Variants in ARHGAP8 observed in about 807,000 individuals in gnomAD.
ARHGAP8 encodes the protein Rho GTPase activating protein 8.
ARHGAP8 carries 62 observed loss-of-function variants against 46.1 expected under a neutral mutation model. The observed-to-expected ratio is 1.34, with a 90% CI of 1.10 to 1.66. The LOEUF (loss-of-function observed/expected upper bound fraction) is 1.66, where lower values mean the gene tolerates loss of function less well. Ranked by LOEUF, ARHGAP8 falls within the 40% of genes most tolerant of loss-of-function variation. The pLI, the probability that ARHGAP8 is intolerant of heterozygous loss-of-function variation, is 0.00. For synonymous variants in ARHGAP8, 375 were observed against 243.1 expected, an observed-to-expected ratio of 1.54 and a Z score of -5.05; for missense variants, 923 against 568.4, an observed-to-expected ratio of 1.62 and a Z score of -6.34.
At chr22:44,754,385 C>T (rs896475087) in intron 1 of ARHGAP8, among the ~76,000 whole-genome samples, 6 of 136,444 alleles carry the variant, frequency 4.4e-5, no homozygotes, top group South Asian at 2.7e-4. Flanking sequence ...ACGCAGTTTT[C>T]GCTCTTGTCG....
chr22:44,787,939 T>TC (rs1927385830), intron 2 of ARHGAP8, among the ~76,000 whole-genome samples: 1 of 136,286 alleles, frequency 7.3e-6, no homozygotes, highest in East Asian at 2.2e-4. Context: ...TTTTTTTTTT[T>TC]TCCCCCCAAA....
At chr22:44,860,486 T>G (rs1327516832) in intron 11 of ARHGAP8, among the ~76,000 whole-genome samples, 1 of 152,060 alleles carries the variant, frequency 6.6e-6, no homozygotes, top group African/African-American at 2.4e-5. Flanking sequence ...GTGGACCCCC[T>G]GCCATATGTC....
intron 11 of ARHGAP8, 137 bp from the exon 12 acceptor site, chr22:44,862,138 C>A: frequency 9.6e-7 from 1 of 1,040,848 alleles, no homozygotes; most frequent in Non-Finnish European, 1.3e-6. Flanking sequence ...TGCACAGGGT[C>A]CCCATTACTG....
Position 44,845,334 on chromosome 22 carries a change from GA to G in ARHGAP8, c.663del (p.Glu222ArgfsTer32). ...CTGAGGTTCACAGTGACGTACCTGA[GA>G]GAGAAAGGTGAGACGGGGCCGGCTC... ...PVLRFTVTYLREKGLRTEGLF... is the reference protein window; with the variant it reads ...PVLRFTVTYLXEKGLRTEGLF... On this transcript the variant is annotated frameshift_variant, in exon 8 of 12. Coordinates refer to ENST00000356099, the MANE Select transcript of ARHGAP8 (RefSeq NM_181335.3). LOFTEE classifies it high-confidence loss of function. 6.2e-7 allele frequency: 1 copy of G among 1,614,148 alleles called. No homozygotes were observed. The highest frequency in any genetic ancestry group is 8.5e-7 in the Non-Finnish European group (1 of 1,180,004).
chr22:44,796,152 G>A (rs1928069344), intron 2 of ARHGAP8, among the ~76,000 whole-genome samples: 1 of 152,216 alleles, frequency 6.6e-6, no homozygotes, highest in Non-Finnish European at 1.5e-5. Context: ...CACCCCCTGA[G>A]GTTCCTCAGT....
At position 44,849,013 on chromosome 22, in the gene ARHGAP8, AGCC is replaced by A. The variant is rs1157697607; in HGVS notation, c.833_835del (p.Pro278del). 6.2e-7 allele frequency: 1 copy of A among 1,613,902 alleles called. No individual in the cohort carries two copies. Among genetic ancestry groups the A allele is most frequent in the Non-Finnish European group, 8.5e-7 (1 of 1,179,938 alleles). ...AAGACCTTCCTGCGAGAGCTGCCCC[AGCC>A]GCTTCTGACCTTCCAGGCCTACGAG... On this transcript the variant is annotated inframe_deletion, in exon 10 of 12. Coordinates refer to ENST00000356099, the MANE Select transcript of ARHGAP8 (RefSeq NM_181335.3).
At chr22:44,861,365 C>G (rs62232228) in intron 11 of ARHGAP8, among the ~76,000 whole-genome samples, 57,815 of 152,034 alleles carry the variant, frequency 0.38, 11,348 homozygotes, top group East Asian at 0.56. Context: ...TGTGGTGTTG[C>G]GTGTTATCAC....
chr22:44,861,872 C>G (rs1008616981), intron 11 of ARHGAP8, among the ~76,000 whole-genome samples: 1 of 152,128 alleles, frequency 6.6e-6, no homozygotes, highest in African/African-American at 2.4e-5. Flanking sequence ...CGTAGTGGCC[C>G]CTAGATGTGC....
chr22:44,802,233 A>G, intron 3 of ARHGAP8, 69 bp downstream of exon 3: 1 of 1,573,176 alleles, frequency 6.4e-7, no homozygotes, highest in Non-Finnish European at 8.7e-7. Context: ...CCTTCACCCC[A>G]CCTCACTCTG....
At chr22:44,851,393 A>ATATT (rs35942720) in intron 10 of ARHGAP8, among the ~76,000 whole-genome samples, 2,451 of 151,118 alleles carry the variant, frequency 0.016, 41 homozygotes, top group East Asian at 0.089. Context: ...AGCCTTTTAA[A>ATATT]TATTTATTTA....
rs1429239673 is a variant in ARHGAP8, at chr22:44,839,410, G to T, written c.597-5859G>T. ...TGCAGAAGCCTTATGGCTGTGGACAGAGTTCTAATCACCGTTTAAGTGGAT... is the reference window on the plus strand; with the variant it reads ...TGCAGAAGCCTTATGGCTGTGGACATAGTTCTAATCACCGTTTAAGTGGAT... On this transcript the variant is annotated intron_variant, in intron 7 of 11. Coordinates refer to ENST00000356099, the MANE Select transcript of ARHGAP8 (RefSeq NM_181335.3). Among the ~76,000 whole-genome samples, 6 of 152,174 alleles carry T rather than the reference G, an allele frequency of 3.9e-5. No homozygotes were observed. In the East Asian group the frequency reaches 1.2e-3, roughly 29 times the overall value.
At chr22:44,783,503 C>T (rs556492433) in intron 1 of ARHGAP8, among the ~76,000 whole-genome samples, 1 of 152,286 alleles carries the variant, frequency 6.6e-6, no homozygotes, top group African/African-American at 2.4e-5. Context: ...CGACTCAGGA[C>T]ATCCAGCCGC....
chr22:44,786,495 G>C lies in ARHGAP8; in HGVS notation c.-33G>C, dbSNP rs767507744. Reference sequence around the variant, plus strand: ...CAAGGCGGCGGCGGCTGCTGTGCTGGGTGCAGTGAGGAAGAGGCCCTCGGT... The same window carrying C: ...CAAGGCGGCGGCGGCTGCTGTGCTGCGTGCAGTGAGGAAGAGGCCCTCGGT... On this transcript the variant is annotated 5_prime_UTR_variant, in exon 2 of 12. Transcript: ENST00000356099. 2 of 1,612,270 alleles carry C rather than the reference G, an allele frequency of 1.2e-6. No homozygotes were observed. Among genetic ancestry groups the C allele is most frequent in the Non-Finnish European group, 1.7e-6 (2 of 1,179,452 alleles).
At chr22:44,852,159 T>C (rs1601522147) in intron 10 of ARHGAP8, among the ~76,000 whole-genome samples, 2 of 116,676 alleles carry the variant, frequency 1.7e-5, no homozygotes, top group African/African-American at 6.9e-5. Context: ...ACTGCTGCAC[T>C]CCAGCCTGGG....
At chr22:44,795,769 C>T (rs1381488203) in intron 2 of ARHGAP8, among the ~76,000 whole-genome samples, 2 of 152,164 alleles carry the variant, frequency 1.3e-5, no homozygotes, top group African/African-American at 4.8e-5. Flanking sequence ...AGGTCTGAGC[C>T]ATGTTCTCCC....
intron 8 of ARHGAP8, among the ~76,000 whole-genome samples, chr22:44,847,154 C>T (rs2301419): frequency 0.33 from 50,789 of 152,138 alleles, 10,066 homozygotes; most frequent in African/African-American, 0.56. Flanking sequence ...CCATCATGCA[C>T]CGCAGGCCCC....
chr22:44,824,008 A>G (rs950469807), intron 6 of ARHGAP8, among the ~76,000 whole-genome samples: 1 of 152,136 alleles, frequency 6.6e-6, no homozygotes, highest in Non-Finnish European at 1.5e-5. Flanking sequence ...GACACGTCCA[A>G]TGCTGATGCT....
chr22:44,792,829 G>GTT (rs911417203), intron 2 of ARHGAP8, among the ~76,000 whole-genome samples: 1 of 45,558 alleles, frequency 2.2e-5, no homozygotes, highest in Middle Eastern at 0.013. Flanking sequence ...TGTTTTTTTG[G>GTT]TTTTTTTTTT....
intron 11 of ARHGAP8, 60 bp from the exon 12 acceptor site, chr22:44,862,214 GT>G (rs1357245644): frequency 2.6e-6 from 4 of 1,531,530 alleles, no homozygotes; most frequent in Non-Finnish European, 3.5e-6. Flanking sequence ...TCGGGAGGGA[GT>G]TCCAGGTGCC....
Sources: allele counts gnomAD v4.1 joint callset (sites outside exome capture counted in the v4.1 genomes callset), GRCh38; gene constraint gnomAD v4.1.1; transcripts MANE v1.5; gene names NCBI Gene and HGNC (gene_info 2026-07-23, HGNC 2026-07-21).